The following CTNNA3 variants were observed in gnomAD, a reference collection of about 807,000 sequenced individuals.
CTNNA3 encodes catenin alpha 3.
A neutral mutation model predicts 95.7 loss-of-function variants in CTNNA3; 76 were observed. The ratio of observed to expected loss-of-function variants is 0.79; its 90% confidence interval spans 0.66 to 0.96. The LOEUF (loss-of-function observed/expected upper bound fraction) is 0.96, where lower values mean the gene tolerates loss of function less well. Among genes scored for constraint, CTNNA3 ranks in the 40% least tolerant of loss-of-function variants. The pLI, the probability that CTNNA3 is intolerant of heterozygous loss-of-function variation, is 0.00. For missense variants in CTNNA3, 1,191 were observed against 1,089.8 expected (o/e 1.09, Z -1.31); for synonymous variants, 431 against 374.4 (o/e 1.15, Z -1.74).
chr10:66,750,996 G>A lies in CTNNA3; in HGVS notation c.1281+15268C>T, dbSNP rs564611571. ...TTTAATTTAAAATTCCAGGCTGGGC[G>A]TGGTGGCTCATGTCTATAATCCCAG... On this transcript the variant is annotated intron_variant, in intron 9 of 17. Coordinates refer to ENST00000433211, the MANE Select transcript of CTNNA3 (RefSeq NM_013266.4). Among the ~76,000 whole-genome samples the A allele has an allele frequency of 2.8e-4, 42 of 152,184 alleles. No homozygotes were observed. The South Asian group carries it at 5.8e-3, about 21-fold the overall frequency.
chr10:67,061,085 A>AT (rs1437579154), intron 7 of CTNNA3, among the ~76,000 whole-genome samples: 3 of 152,154 alleles, frequency 2.0e-5, no homozygotes, highest in Non-Finnish European at 4.4e-5. Context: ...TATTCAATCA[A>AT]TAAAAAAAAC....
In CTNNA3 at chr10:67,727,028, TATATA is replaced by T. The variant is rs1468086684; in HGVS notation, c.-2+36401_-2+36405del. ...ATATGATACATATATGATATAATTA[TATATA>T]ATATATGATACATATATGATATAAT... On this transcript the variant is annotated intron_variant, in intron 1 of 17. Coordinates refer to the CTNNA3 transcript ENST00000684154. 7.0e-4 allele frequency among the ~76,000 whole-genome samples: 80 copies of T among 114,476 alleles called. 8 individuals are homozygous for T. The highest frequency in any genetic ancestry group is 2.5e-4 in the South Asian group (1 of 4,028). The allele number at this position is 114,476 out of a possible 152,430, so 75.1% of individuals were successfully genotyped here. A position where few individuals can be genotyped will look rare whatever the true frequency, so the allele number is the denominator to read the frequency against.
intron 14 of CTNNA3, among the ~76,000 whole-genome samples, chr10:66,077,438 C>T (rs1398184029): frequency 2.0e-5 from 3 of 151,764 alleles, no homozygotes; most frequent in African/African-American, 4.8e-5. Flanking sequence ...ACCAATAATG[C>T]TTTCACCACT....
intron 5 of CTNNA3, among the ~76,000 whole-genome samples, chr10:67,292,276 GAC>G (rs757028181): frequency 2.6e-5 from 4 of 152,122 alleles, no homozygotes; most frequent in Non-Finnish European, 5.9e-5. Context: ...TAGTTTCTAC[GAC>G]ATGCCCTGGG....
chr10:66,397,655 C>T (rs1322106982), intron 11 of CTNNA3, among the ~76,000 whole-genome samples: 3 of 151,772 alleles, frequency 2.0e-5, no homozygotes, highest in African/African-American at 7.2e-5. Context: ...AAAGAACTCA[C>T]AGTCTAGTCG....
intron 11 of CTNNA3, among the ~76,000 whole-genome samples, chr10:66,379,769 T>C (rs925330149): frequency 1.3e-5 from 2 of 152,178 alleles, no homozygotes; most frequent in Non-Finnish European, 2.9e-5. Context: ...TTTTAAAAGA[T>C]GGATTTAAAC....
chr10:66,454,611 T>A, intron 11 of CTNNA3, among the ~76,000 whole-genome samples: 1 of 142,636 alleles, frequency 7.0e-6, no homozygotes, highest in East Asian at 2.1e-4. Context: ...CTCAAAAATG[T>A]CATCTTTGGT....
chr10:66,256,656 G>A (rs2090794414), intron 13 of CTNNA3, among the ~76,000 whole-genome samples: 2 of 152,004 alleles, frequency 1.3e-5, no homozygotes, highest in African/African-American at 2.4e-5. Context: ...GGGAGGCAGA[G>A]GTTGTAGTGA....
intron 7 of CTNNA3, among the ~76,000 whole-genome samples, chr10:66,827,584 T>G (rs1468924512): frequency 6.6e-6 from 1 of 152,194 alleles, no homozygotes; most frequent in Non-Finnish European, 1.5e-5. Context: ...CAACCATGAC[T>G]AGTTATATTA....
At chr10:66,602,391 T>C (rs1283033072) in intron 10 of CTNNA3, among the ~76,000 whole-genome samples, 1 of 151,982 alleles carries the variant, frequency 6.6e-6, no homozygotes, top group Non-Finnish European at 1.5e-5. Context: ...TTAAAAAAAC[T>C]GTTTATGTAT....
chr10:67,043,917 T>C (rs1165570847), intron 7 of CTNNA3, among the ~76,000 whole-genome samples: 1 of 140,206 alleles, frequency 7.1e-6, no homozygotes, highest in Non-Finnish European at 1.6e-5. Flanking sequence ...AATGCAAAAA[T>C]AATCTCTTTA....
intron 10 of CTNNA3, among the ~76,000 whole-genome samples, chr10:66,547,050 A>T (rs141609797): frequency 1.2e-3 from 189 of 152,100 alleles, no homozygotes; most frequent in African/African-American, 4.3e-3. Context: ...AATATACTTG[A>T]TTTCTTCTAA....
chr10:66,605,326 A>G (rs576690941), intron 10 of CTNNA3, among the ~76,000 whole-genome samples: 9 of 152,210 alleles, frequency 5.9e-5, no homozygotes, highest in South Asian at 4.1e-4. Context: ...AACAAAATCT[A>G]TGACTCATTG....
At chr10:67,503,651 T>C (rs772155523) in intron 5 of CTNNA3, among the ~76,000 whole-genome samples, 9 of 152,224 alleles carry the variant, frequency 5.9e-5, no homozygotes, top group Admixed American at 1.3e-4. Flanking sequence ...TGACCTCATA[T>C]TACATATAGA....
At chr10:66,560,132 TAC>T (rs1490231118) in intron 10 of CTNNA3, among the ~76,000 whole-genome samples, 1 of 152,122 alleles carries the variant, frequency 6.6e-6, no homozygotes, top group East Asian at 1.9e-4. Flanking sequence ...CAATGAGAAT[TAC>T]TCCTTAATAT....
chr10:67,284,906 C>G (rs2132451802), intron 5 of CTNNA3, among the ~76,000 whole-genome samples: 1 of 152,246 alleles, frequency 6.6e-6, no homozygotes, highest in African/African-American at 2.4e-5. Context: ...TTTATCAAGC[C>G]TGGAGAGACA....
intron 7 of CTNNA3, among the ~76,000 whole-genome samples, chr10:66,940,916 C>G (rs1006709432): frequency 6.6e-6 from 1 of 152,118 alleles, no homozygotes; most frequent in African/African-American, 2.4e-5. Flanking sequence ...CAGTATGCAG[C>G]CTGCAGTAAC....
intron 11 of CTNNA3, among the ~76,000 whole-genome samples, chr10:66,450,646 A>G (rs1325759017): frequency 2.0e-5 from 3 of 152,140 alleles, no homozygotes; most frequent in Non-Finnish European, 4.4e-5. Context: ...ATCTTGCTCC[A>G]TTGATATAAC....
intron 17 of CTNNA3, among the ~76,000 whole-genome samples, chr10:65,962,627 T>C (rs2077869777): frequency 6.6e-6 from 1 of 152,052 alleles, no homozygotes; most frequent in African/African-American, 2.4e-5. Context: ...TACATAGATA[T>C]ACACGTGCCC....
Sources: allele counts gnomAD v4.1 joint callset (sites outside exome capture counted in the v4.1 genomes callset), GRCh38; gene constraint gnomAD v4.1.1; transcripts MANE v1.5; gene names NCBI Gene and HGNC (gene_info 2026-07-23, HGNC 2026-07-21).